ZC3H12B: variants seen among roughly 807,000 people sequenced by gnomAD.
The protein encoded by ZC3H12B is probable ribonuclease ZC3H12B.
In ZC3H12B, 7 loss-of-function variants were observed where a neutral mutation model predicts 43.9. That is an observed-to-expected ratio of 0.16 (90% CI 0.09 to 0.30). ZC3H12B has a LOEUF of 0.30. Ranked by LOEUF, ZC3H12B falls within the 10% of genes least tolerant of loss-of-function variation. ZC3H12B has a pLI of 1.00. For missense variants in ZC3H12B, 475 were observed against 670.2 expected, an observed-to-expected ratio of 0.71 and a Z score of 3.22; for synonymous variants, 222 against 241.7, an observed-to-expected ratio of 0.92 and a Z score of 0.76.
chrX:65,275,858 T>C, the ZC3H12B span, among the ~76,000 whole-genome samples: 1 of 111,880 alleles, frequency 8.9e-6, no homozygotes, highest in Admixed American at 9.5e-5. Flanking sequence ...TTGGAAAATA[T>C]ACACGATTTC....
At chrX:65,156,468 C>T in the ZC3H12B span, among the ~76,000 whole-genome samples, 3 of 111,848 alleles carry the variant, frequency 2.7e-5, no homozygotes, top group Non-Finnish European at 5.6e-5. Flanking sequence ...GCAACCTCCA[C>T]CTCTGGGGCT....
At chrX:65,252,135 G>T in the ZC3H12B span, among the ~76,000 whole-genome samples, 2 of 111,735 alleles carry the variant, frequency 1.8e-5, no homozygotes, top group East Asian at 2.8e-4. Flanking sequence ...ATTGAGAGTT[G>T]TTAGCATGAA....
chrX:65,076,877 C>T, the ZC3H12B span, among the ~76,000 whole-genome samples: 1 of 111,105 alleles, frequency 9.0e-6, no homozygotes, highest in Non-Finnish European at 1.9e-5. Flanking sequence ...TTTTAACTTT[C>T]TTATCAGGTG....
At chrX:65,145,310 C>T in the ZC3H12B span, among the ~76,000 whole-genome samples, 1 of 108,231 alleles carries the variant, frequency 9.2e-6, no homozygotes, top group East Asian at 2.9e-4. Flanking sequence ...TTTTGATGTC[C>T]TCTTGCATGA....
the ZC3H12B span, among the ~76,000 whole-genome samples, chrX:65,188,070 G>T: frequency 9.0e-6 from 1 of 111,048 alleles, no homozygotes; most frequent in Non-Finnish European, 1.9e-5. Context: ...TTGTCTTTTG[G>T]TACCTGGCTT....
the ZC3H12B span, among the ~76,000 whole-genome samples, chrX:65,314,270 T>A: frequency 9.0e-6 from 1 of 111,229 alleles, no homozygotes; most frequent in Non-Finnish European, 1.9e-5. Context: ...AAGCTGAAAT[T>A]TACCCCAAAT....
At chrX:65,230,862 G>T in the ZC3H12B span, among the ~76,000 whole-genome samples, 1 of 111,655 alleles carries the variant, frequency 9.0e-6, no homozygotes, top group East Asian at 2.8e-4. Flanking sequence ...ATTATCAAAA[G>T]TAACTACACA....
chrX:65,203,147 C>A, the ZC3H12B span, among the ~76,000 whole-genome samples: 1 of 112,004 alleles, frequency 8.9e-6, no homozygotes, highest in Non-Finnish European at 1.9e-5. Context: ...GTGAGCCCCT[C>A]TCTGCCTCAG....
At chrX:65,124,741 C>T in the ZC3H12B span, among the ~76,000 whole-genome samples, 2 of 110,832 alleles carry the variant, frequency 1.8e-5, no homozygotes, top group African/African-American at 6.5e-5. Flanking sequence ...GAAATTTATC[C>T]ATATCCTCTG....
the ZC3H12B span, among the ~76,000 whole-genome samples, chrX:65,122,454 G>A: frequency 1.8e-5 from 2 of 110,993 alleles, no homozygotes; most frequent in African/African-American, 6.5e-5. Context: ...AGACCATCGA[G>A]GCTAGGAGGA....
the ZC3H12B span, among the ~76,000 whole-genome samples, chrX:65,252,177 G>A: frequency 8.9e-6 from 1 of 111,759 alleles, no homozygotes; most frequent in Non-Finnish European, 1.9e-5. Flanking sequence ...GGCCTTTTCT[G>A]CATCTATTGA....
At chrX:65,344,604 C>T in the ZC3H12B span, among the ~76,000 whole-genome samples, 4 of 112,093 alleles carry the variant, frequency 3.6e-5, no homozygotes, top group Non-Finnish European at 7.5e-5. Context: ...AAAACCAAAA[C>T]TATAAAAATT....
the ZC3H12B span, among the ~76,000 whole-genome samples, chrX:65,187,884 A>C: frequency 9.0e-6 from 1 of 110,921 alleles, no homozygotes; most frequent in African/African-American, 3.3e-5. Flanking sequence ...GTGCTATCCA[A>C]TACTAGATGT....
the ZC3H12B span, among the ~76,000 whole-genome samples, chrX:65,087,407 C>G: frequency 1.8e-5 from 2 of 112,340 alleles, no homozygotes; most frequent in Non-Finnish European, 3.8e-5. Context: ...AAGCCAGAGA[C>G]TGGCACGGGA....
At chrX:65,142,975 C>T in the ZC3H12B span, among the ~76,000 whole-genome samples, 3 of 111,205 alleles carry the variant, frequency 2.7e-5, no homozygotes, top group Middle Eastern at 0.014. Flanking sequence ...CTTGCTTTGA[C>T]TACATGGGCT....
At chrX:65,408,467 C>T (rs1335324318) in intron 3 of ZC3H12B, 26 of 1,209,444 alleles carry the variant, frequency 2.1e-5, no homozygotes, top group Non-Finnish European at 2.9e-5. Context: ...GCAGCAGTTG[C>T]AAGCTCAGCA....
the ZC3H12B span, among the ~76,000 whole-genome samples, chrX:65,149,013 G>T: frequency 9.0e-6 from 1 of 111,254 alleles, no homozygotes; most frequent in Middle Eastern, 4.6e-3. Context: ...GTTAATAGAA[G>T]TTTTAGTTGT....
the ZC3H12B span, among the ~76,000 whole-genome samples, chrX:65,146,719 T>C: frequency 9.0e-6 from 1 of 111,525 alleles, no homozygotes; most frequent in African/African-American, 3.3e-5. Context: ...GCTGTAGTGA[T>C]TATTATCTCT....
rs751378064 is a variant in ZC3H12B, at chrX:65,438,999, G to A, written n.407+40295G>A. Among the ~76,000 whole-genome samples the A allele has an allele frequency of 1.8e-4, 20 of 112,772 alleles. No homozygotes were observed. The South Asian group carries it at 7.2e-3, about 41-fold the overall frequency. On this transcript the variant is annotated intron_variant and non_coding_transcript_variant, in intron 3 of 5. Coordinates refer to the ZC3H12B transcript ENST00000617377. ...AGCAAGGGCAGCTTTGTCATGGTGA[G>A]CTACTTTTCTCAGGAGTCGGGATCC...
Sources: allele counts gnomAD v4.1 joint callset (sites outside exome capture counted in the v4.1 genomes callset), GRCh38; gene constraint gnomAD v4.1.1; transcripts MANE v1.5; gene names NCBI Gene and HGNC (gene_info 2026-07-23, HGNC 2026-07-21).